NKAIN3: variants seen among roughly 807,000 people sequenced by gnomAD.
The protein encoded by NKAIN3 is sodium/potassium-transporting ATPase subunit beta-1-interacting protein 3.
A neutral mutation model predicts 30.2 loss-of-function variants in NKAIN3; 25 were observed. The observed-to-expected ratio is 0.83, with a 90% CI of 0.60 to 1.16. NKAIN3 has a LOEUF of 1.16. Among genes scored for constraint, NKAIN3 ranks in the 50% most tolerant of loss-of-function variants. NKAIN3 has a pLI of 0.00. For missense variants in NKAIN3, 225 were observed against 254.1 expected, an observed-to-expected ratio of 0.89 and a Z score of 0.78; for synonymous variants, 91 against 89.6, an observed-to-expected ratio of 1.02 and a Z score of -0.09.
chr8:62,424,129 C>A (rs979846796), intron 1 of NKAIN3, among the ~76,000 whole-genome samples: 1 of 151,838 alleles, frequency 6.6e-6, no homozygotes, highest in Admixed American at 6.6e-5. Flanking sequence ...AGAATGAAAT[C>A]GGACCATTAT....
intron 3 of NKAIN3, among the ~76,000 whole-genome samples, chr8:62,627,385 C>G (rs915107180): frequency 2.0e-5 from 3 of 152,050 alleles, no homozygotes; most frequent in Non-Finnish European, 4.4e-5. Context: ...ATAAATTACC[C>G]CAGAATCAGG....
rs1330887284 is a variant in NKAIN3, at chr8:62,971,422, A to G, written c.*6015A>G. 6.6e-6 allele frequency among the ~76,000 whole-genome samples: 1 copy of G among 151,462 alleles called. No homozygotes were observed. Reference sequence around the variant, plus strand: ...AAGGCCAAGGCGTGCAGATCACTTGAGCTTACGAGTTCGAGACCAGCCTGA... The same window carrying G: ...AAGGCCAAGGCGTGCAGATCACTTGGGCTTACGAGTTCGAGACCAGCCTGA... On this transcript the variant is annotated 3_prime_UTR_variant, in exon 7 of 7. Coordinates refer to ENST00000623646, the MANE Select transcript of NKAIN3 (RefSeq NM_001304533.3).
chr8:62,899,680 T>C (rs1821541456), intron 4 of NKAIN3, among the ~76,000 whole-genome samples: 1 of 152,110 alleles, frequency 6.6e-6, no homozygotes, highest in Non-Finnish European at 1.5e-5. Flanking sequence ...TTTGATAGCA[T>C]AACAGGGTGA....
At chr8:62,523,265 A>T (rs1464878448) in intron 1 of NKAIN3, among the ~76,000 whole-genome samples, 3 of 152,184 alleles carry the variant, frequency 2.0e-5, no homozygotes, top group African/African-American at 7.2e-5. Context: ...GCAGCAGGCT[A>T]TACCATCTAG....
rs1811979572 is a variant in NKAIN3 at position 62,248,882 on chromosome 8, C to T, written c.-192C>T. Reference sequence around the variant, plus strand: ...AGACGCTCGGGTCGTGCGCACCGCACTGACCTCGGCCCGCCCCGCCGGGAA... The same window carrying T: ...AGACGCTCGGGTCGTGCGCACCGCATTGACCTCGGCCCGCCCCGCCGGGAA... On this transcript the variant is annotated 5_prime_UTR_variant, in exon 1 of 7. Coordinates refer to ENST00000623646, the MANE Select transcript of NKAIN3 (RefSeq NM_001304533.3). The T allele has an allele frequency of 1.8e-6, 1 of 549,060 alleles. No homozygotes were observed. 34.0% of individuals were successfully genotyped at this position (549,060 alleles called of 1,614,324 possible).
intron 1 of NKAIN3, among the ~76,000 whole-genome samples, chr8:62,344,534 A>C (rs1340532000): frequency 6.6e-6 from 1 of 152,114 alleles, no homozygotes; most frequent in African/African-American, 2.4e-5. Flanking sequence ...AGAAAATGGT[A>C]CATTATATTT....
chr8:62,368,440 C>T (rs1776750994), intron 1 of NKAIN3, among the ~76,000 whole-genome samples: 1 of 152,114 alleles, frequency 6.6e-6, no homozygotes, highest in South Asian at 2.1e-4. Context: ...TGAGAACACA[C>T]ACAGAAAGGA....
At chr8:62,901,229 T>C (rs749142319) in intron 4 of NKAIN3, among the ~76,000 whole-genome samples, 4 of 152,178 alleles carry the variant, frequency 2.6e-5, no homozygotes, top group Non-Finnish European at 5.9e-5. Context: ...GTCTGTGATC[T>C]GTTGCAGCAA....
intron 1 of NKAIN3, among the ~76,000 whole-genome samples, chr8:62,427,309 C>G (rs571904280): frequency 1.3e-5 from 2 of 152,042 alleles, no homozygotes; most frequent in East Asian, 3.9e-4. Flanking sequence ...GTTTATGAGG[C>G]CTTGCTATTC....
chr8:62,739,206 T>C (rs1815779781), intron 3 of NKAIN3, among the ~76,000 whole-genome samples: 1 of 152,016 alleles, frequency 6.6e-6, no homozygotes, highest in Non-Finnish European at 1.5e-5. Context: ...GGCACTTGTA[T>C]ACCTATGTAA....
At chr8:62,725,721 A>G (rs1318041668) in intron 3 of NKAIN3, among the ~76,000 whole-genome samples, 1 of 151,890 alleles carries the variant, frequency 6.6e-6, no homozygotes, top group Non-Finnish European at 1.5e-5. Flanking sequence ...GTGTCTGCCT[A>G]TACCACTCTG....
intron 3 of NKAIN3, among the ~76,000 whole-genome samples, chr8:62,600,545 T>C (rs920213097): frequency 1.3e-5 from 2 of 152,044 alleles, no homozygotes; most frequent in Non-Finnish European, 2.9e-5. Context: ...TAAACTGAGA[T>C]GTCAGGTCTT....
At chr8:62,922,880 A>G (rs906074812) in intron 5 of NKAIN3, among the ~76,000 whole-genome samples, 1 of 152,150 alleles carries the variant, frequency 6.6e-6, no homozygotes, top group African/African-American at 2.4e-5. Context: ...GGCTCTGCCA[A>G]ATAGCTACAC....
At chr8:62,626,171 G>A (rs538001673) in intron 3 of NKAIN3, among the ~76,000 whole-genome samples, 1 of 152,144 alleles carries the variant, frequency 6.6e-6, no homozygotes, top group African/African-American at 2.4e-5. Flanking sequence ...CACCAAAATA[G>A]GTAGGAAGGG....
chr8:62,415,141 A>AATC (rs1804394232), intron 1 of NKAIN3, among the ~76,000 whole-genome samples: 1 of 141,804 alleles, frequency 7.1e-6, no homozygotes, highest in Non-Finnish European at 1.5e-5. Flanking sequence ...TATAGTATAT[A>AATC]TGTATTATAT....
intron 5 of NKAIN3, among the ~76,000 whole-genome samples, chr8:62,947,754 C>T (rs1175705413): frequency 6.6e-6 from 1 of 152,152 alleles, no homozygotes; most frequent in Non-Finnish European, 1.5e-5. Flanking sequence ...CATGTAGAGC[C>T]CCTTGTGGAG....
intron 3 of NKAIN3, among the ~76,000 whole-genome samples, chr8:62,609,416 G>T (rs1266568546): frequency 6.6e-6 from 1 of 152,062 alleles, no homozygotes; most frequent in Admixed American, 6.5e-5. Context: ...CAGTGATTTT[G>T]TTTAAAATGA....
intron 3 of NKAIN3, among the ~76,000 whole-genome samples, chr8:62,645,341 T>C (rs967212053): frequency 1.3e-5 from 2 of 152,120 alleles, no homozygotes; most frequent in Non-Finnish European, 2.9e-5. Context: ...AGTTTGTAAG[T>C]AGAGAAAAAT....
At chr8:62,391,687 GA>G (rs1347141873) in intron 1 of NKAIN3, among the ~76,000 whole-genome samples, 1 of 151,912 alleles carries the variant, frequency 6.6e-6, no homozygotes, top group Non-Finnish European at 1.5e-5. Context: ...ATAAGTAAGG[GA>G]AAATGGCAGT....
Sources: gnomAD v4.1 joint callset for allele counts (sites outside exome capture counted in the v4.1 genomes callset) on GRCh38, gnomAD v4.1.1 for gene constraint, MANE v1.5 for transcripts, NCBI Gene and HGNC (gene_info 2026-07-23, HGNC 2026-07-21) for gene names.